UBR2: variants seen among roughly 807,000 people sequenced by gnomAD.
UBR2 encodes ubiquitin protein ligase E3 component n-recognin 2.
A neutral mutation model predicts 247.9 loss-of-function variants in UBR2; 92 were observed. The ratio of observed to expected loss-of-function variants is 0.37; its 90% CI spans 0.31 to 0.44. The LOEUF (loss-of-function observed/expected upper bound fraction) is 0.44. UBR2 is among the 20% of genes least tolerant of loss of function. The probability of loss-of-function intolerance (pLI) is 1.00; values close to 1 mark genes in which losing one functional copy is unlikely to be tolerated. For missense variants in UBR2, 1,613 were observed against 2,112.6 expected (o/e 0.76, Z 4.64); for synonymous variants, 672 against 693.5 (o/e 0.97, Z 0.49).
At chr6:42,678,789 T>C in intron 41 of UBR2, 120 bp downstream of exon 41, 1 of 1,112,210 alleles carries the variant, frequency 9.0e-7, no homozygotes, top group Non-Finnish European at 1.3e-6. Flanking sequence ...TTATTGACTA[T>C]GGTGATGTAC....
chr6:42,646,406 G>C (rs956596757), intron 21 of UBR2, among the ~76,000 whole-genome samples: 2 of 152,100 alleles, frequency 1.3e-5, no homozygotes, highest in Non-Finnish European at 2.9e-5. Context: ...CCCATCACCA[G>C]CTTCAACAGA....
chr6:42,610,848 CT>C (rs1284620883), intron 7 of UBR2, among the ~76,000 whole-genome samples: 2,636 of 141,518 alleles, frequency 0.019, 46 homozygotes, highest in African/African-American at 0.06. Context: ...TGTATTTTAC[CT>C]TTTTTTTTTT....
At chr6:42,591,292 T>TA (rs1738200074) in intron 2 of UBR2, among the ~76,000 whole-genome samples, 1 of 152,200 alleles carries the variant, frequency 6.6e-6, no homozygotes, top group African/African-American at 2.4e-5. Context: ...TAACTAGGGT[T>TA]AAAGACTAAA....
chr6:42,674,501 T>G (rs1798613259), intron 38 of UBR2, among the ~76,000 whole-genome samples: 1 of 152,150 alleles, frequency 6.6e-6, no homozygotes, highest in Non-Finnish European at 1.5e-5. Flanking sequence ...TGGTGACTCA[T>G]GCCTGTAATC....
chr6:42,580,043 G>GT (rs11377376), intron 2 of UBR2, among the ~76,000 whole-genome samples: 99,123 of 151,042 alleles, frequency 0.66, 32,714 homozygotes, highest in African/African-American at 0.74. Context: ...AGATTTCTAG[G>GT]TTTTTTTTTC....
rs891970718 is a variant in UBR2, at chr6:42,595,497, A to G, written c.531+1193A>G. 1.1e-4 allele frequency among the ~76,000 whole-genome samples: 17 copies of G among 152,264 alleles called. No individual in the cohort carries two copies. The East Asian group carries it at 2.9e-3, about 26-fold the overall frequency. On this transcript the variant is annotated intron_variant, in intron 4 of 46. Transcript: ENST00000372901. ...AAGGTGGCTCATACCTATAATACCA[A>G]TACTTTGGGAAGCCAAGGCGGGTGG...
intron 34 of UBR2, among the ~76,000 whole-genome samples, chr6:42,668,580 C>T (rs1798255604): frequency 6.6e-6 from 1 of 152,132 alleles, no homozygotes; most frequent in Non-Finnish European, 1.5e-5. Flanking sequence ...GCTGGGATTA[C>T]AGACATGAGC....
intron 34 of UBR2, among the ~76,000 whole-genome samples, chr6:42,667,690 C>T (rs1490592439): frequency 1.8e-5 from 1 of 55,388 alleles, no homozygotes; most frequent in Non-Finnish European, 3.6e-5. Context: ...TTTTCATGTA[C>T]TTGTTTTCTA....
At chr6:42,619,449 A>ATTTTTTTTT (rs1422611425) in intron 11 of UBR2, 4 of 29,098 alleles carry the variant, frequency 1.4e-4, no homozygotes, top group African/African-American at 4.2e-4. Flanking sequence ...ATATATATAT[A>ATTTTTTTTT]TATATTTTTT....
chr6:42,681,761 A>G (rs1442294000), intron 42 of UBR2, among the ~76,000 whole-genome samples: 1 of 152,200 alleles, frequency 6.6e-6, no homozygotes, highest in African/African-American at 2.4e-5. Flanking sequence ...AGATTACAAA[A>G]TAACTGAAAG....
At chr6:42,623,678 C>T (rs182470457) in intron 11 of UBR2, among the ~76,000 whole-genome samples, 12 of 152,186 alleles carry the variant, frequency 7.9e-5, no homozygotes, top group African/African-American at 2.9e-4. Flanking sequence ...TCTTGAACTC[C>T]TGACCTCGTG....
intron 4 of UBR2, among the ~76,000 whole-genome samples, chr6:42,595,517 G>A (rs758404496): frequency 1.3e-5 from 2 of 152,074 alleles, no homozygotes; most frequent in South Asian, 2.1e-4. Context: ...AAGCCAAGGC[G>A]GGTGGATCAC....
chr6:42,653,242 A>G (rs1284900874), intron 25 of UBR2, among the ~76,000 whole-genome samples: 1 of 152,056 alleles, frequency 6.6e-6, no homozygotes, highest in East Asian at 1.9e-4. Flanking sequence ...GCATCACAAC[A>G]TCTGCGTAAT....
At chr6:42,654,494 G>A (rs1797318985) in intron 25 of UBR2, among the ~76,000 whole-genome samples, 1 of 152,176 alleles carries the variant, frequency 6.6e-6, no homozygotes, top group African/African-American at 2.4e-5. Flanking sequence ...GGAGGCCAAG[G>A]CGGGTAGATC....
At chr6:42,628,076 A>G (rs1404117714) in intron 11 of UBR2, among the ~76,000 whole-genome samples, 1 of 152,170 alleles carries the variant, frequency 6.6e-6, no homozygotes, top group African/African-American at 2.4e-5. Flanking sequence ...AGGGAAAAGC[A>G]GCTGCAGAAT....
At chr6:42,687,336 C>G (rs1799496307) in intron 44 of UBR2, among the ~76,000 whole-genome samples, 1 of 152,164 alleles carries the variant, frequency 6.6e-6, no homozygotes, top group Non-Finnish European at 1.5e-5. Context: ...ATACAAAAAC[C>G]AGTCAGGCGT....
intron 14 of UBR2, among the ~76,000 whole-genome samples, chr6:42,636,767 G>A (rs576660751): frequency 2.8e-4 from 42 of 152,210 alleles, no homozygotes; most frequent in African/African-American, 1.0e-3. Flanking sequence ...TAATAGATTG[G>A]ACAATGGGGA....
intron 2 of UBR2, among the ~76,000 whole-genome samples, chr6:42,578,361 A>C (rs1791654296): frequency 6.6e-6 from 1 of 152,160 alleles, no homozygotes; most frequent in African/African-American, 2.4e-5. Flanking sequence ...TTATGATCTT[A>C]CCCAAATCCC....
intron 16 of UBR2, 140 bp downstream of exon 16, chr6:42,640,410 G>A: frequency 5.8e-6 from 3 of 516,804 alleles, no homozygotes; most frequent in Non-Finnish European, 6.7e-6. Flanking sequence ...GTGTGTGTGT[G>A]TGTGTGTGTG....
Sources: gnomAD v4.1 joint callset for allele counts (sites outside exome capture counted in the v4.1 genomes callset) on GRCh38, gnomAD v4.1.1 for gene constraint, MANE v1.5 for transcripts, NCBI Gene and HGNC (gene_info 2026-07-23, HGNC 2026-07-21) for gene names.